SCAMP5: variants seen among roughly 807,000 people sequenced by gnomAD.
SCAMP5 encodes secretory carrier membrane protein 5, also known as secretory carrier-associated membrane protein 5.
SCAMP5 carries 7 observed loss-of-function variants against 28.3 expected under a neutral mutation model. The ratio of observed to expected loss-of-function variants is 0.25; its 90% confidence interval spans 0.14 to 0.46. The LOEUF (loss-of-function observed/expected upper bound fraction) is 0.46. Among genes scored for constraint, SCAMP5 ranks in the 20% least tolerant of loss-of-function variants. SCAMP5 has a pLI of 0.99. For missense variants in SCAMP5, 192 were observed against 312.5 expected, an observed-to-expected ratio of 0.61 and a Z score of 2.91; for synonymous variants, 117 against 116.4, an observed-to-expected ratio of 1.00 and a Z score of -0.03.
intron 1 of SCAMP5, among the ~76,000 whole-genome samples, chr15:75,006,405 C>T (rs2065759690): frequency 1.3e-5 from 2 of 152,072 alleles, no homozygotes; most frequent in South Asian, 4.2e-4. Flanking sequence ...GTAATCCCAG[C>T]ACTTTGGGAG....
chr15:75,004,406 C>T (rs982229074), intron 1 of SCAMP5, among the ~76,000 whole-genome samples: 2 of 152,152 alleles, frequency 1.3e-5, no homozygotes, highest in Non-Finnish European at 2.9e-5. Flanking sequence ...GACACTGCTT[C>T]TAAAGACCAG....
At chr15:75,000,666 G>A (rs1265857062) in intron 1 of SCAMP5, among the ~76,000 whole-genome samples, 1 of 148,882 alleles carries the variant, frequency 6.7e-6, no homozygotes, top group African/African-American at 2.5e-5. Flanking sequence ...TTACAGGCGT[G>A]AGCCATCGCA....
chr15:75,017,997 G>T (rs903054076), intron 5 of SCAMP5, 26 bp downstream of exon 5: 2 of 1,458,878 alleles, frequency 1.4e-6, no homozygotes, highest in Non-Finnish European at 1.9e-6. Context: ...GTGGCCTGGG[G>T]CTGGCAGGGG....
At chr15:75,004,182 G>A (rs1269454299) in intron 1 of SCAMP5, among the ~76,000 whole-genome samples, 1 of 152,042 alleles carries the variant, frequency 6.6e-6, no homozygotes, top group Admixed American at 6.6e-5. Context: ...GGTATTACAG[G>A]CGTGAGCCAC....
chr15:75,015,450 A>AG (rs1491462803), intron 3 of SCAMP5, among the ~76,000 whole-genome samples: 5 of 141,434 alleles, frequency 3.5e-5, no homozygotes, highest in African/African-American at 9.1e-5. Flanking sequence ...AGGTGGGGAC[A>AG]GAGGGGGGGG....
chr15:75,000,420 T>C (rs1480694560), intron 1 of SCAMP5, among the ~76,000 whole-genome samples: 1 of 151,914 alleles, frequency 6.6e-6, no homozygotes, highest in African/African-American at 2.4e-5. Context: ...AGTCTTGTTC[T>C]GTCCCCCAGG....
Position 75,000,730 on chromosome 15 carries a change from TG to T in SCAMP5, c.-49+5059del, listed in dbSNP as rs796134519. On this transcript the variant is annotated intron_variant, in intron 1 of 6. Transcript: ENST00000425597. ...AGAGAAGAAGAATAAAATCCTTCAG[TG>T]GCTCCCGTGACACTGAGGACAAAGT... Among the ~76,000 whole-genome samples, 8 of 143,994 alleles carry T rather than the reference TG, an allele frequency of 5.6e-5. 1 individual carries two copies. The highest frequency in any genetic ancestry group is 2.0e-4 in the African/African-American group (8 of 39,414). The allele number at this position is 143,994 out of a possible 152,430, so 94.5% of individuals were successfully genotyped here. A position where few individuals can be genotyped will look rare whatever the true frequency, so the allele number is the denominator to read the frequency against.
intron 1 of SCAMP5, among the ~76,000 whole-genome samples, chr15:75,009,441 T>TTGTG (rs3057655): frequency 0.25 from 34,374 of 135,872 alleles, 4,496 homozygotes; most frequent in East Asian, 0.36. Flanking sequence ...TGCTAGAAGT[T>TTGTG]TGTGTGTGTG....
chr15:75,013,937 C>T lies in SCAMP5; in HGVS notation c.136+1132C>T, dbSNP rs553851370. On this transcript the variant is annotated intron_variant, in intron 3 of 6. Coordinates refer to ENST00000425597, the MANE Select transcript of SCAMP5 (RefSeq NM_138967.4). ...AGGCCTCATTTCTGGTGATCTGTAGCAGGGGGTGGGAAAGGTGTCTTCTTG... is the reference window on the plus strand; with the variant it reads ...AGGCCTCATTTCTGGTGATCTGTAGTAGGGGGTGGGAAAGGTGTCTTCTTG... 7.3e-5 allele frequency among the ~76,000 whole-genome samples: 11 copies of T among 151,250 alleles called. No homozygotes were observed. In the South Asian group the frequency reaches 2.3e-3, roughly 32 times the overall value.
chr15:75,013,988 G>C (rs1037982945), intron 3 of SCAMP5, among the ~76,000 whole-genome samples: 2 of 151,888 alleles, frequency 1.3e-5, no homozygotes, highest in African/African-American at 4.8e-5. Flanking sequence ...GCTGTGCTGA[G>C]GCTAGTTAGA....
At chr15:75,016,875 A>T in intron 4 of SCAMP5, 126 bp downstream of exon 4, 1 of 893,622 alleles carries the variant, frequency 1.1e-6, no homozygotes, top group Non-Finnish European at 1.6e-6. Flanking sequence ...TCCCTTGCTC[A>T]CCTTTGGCTC....
Position 75,018,741 on chromosome 15 carries a change from C to T in SCAMP5, c.514-48C>T, listed in dbSNP as rs1481301337. The T allele has an allele frequency of 4.9e-6, 7 of 1,415,082 alleles. No homozygotes were observed. The Admixed American group carries it at 9.0e-5, about 18-fold the overall frequency. 87.7% of individuals were successfully genotyped at this position (1,415,082 alleles called of 1,614,324 possible). On this transcript the variant is annotated intron_variant, in intron 6 of 6. Transcript: ENST00000425597. This position sits in a 1 kb window ranked among gnomAD's most constrained non-coding sequence, Gnocchi z 5.6. ...GGGTCCCATCTATTTCCTGGATGGG[C>T]TGCCTTTTCTCTTTGATTAACCCTT...
intron 1 of SCAMP5, among the ~76,000 whole-genome samples, chr15:75,010,355 G>C (rs1476069885): frequency 1.3e-5 from 2 of 152,090 alleles, no homozygotes; most frequent in Non-Finnish European, 2.9e-5. Flanking sequence ...ATCCACTCGG[G>C]GTTAAGTGGG....
intron 1 of SCAMP5, among the ~76,000 whole-genome samples, chr15:75,003,834 G>A (rs2065731631): frequency 6.6e-6 from 1 of 151,782 alleles, no homozygotes. Context: ...ATAAAATAAT[G>A]CAGTGAACAA....
chr15:74,998,984 C>T (rs1410330081), intron 1 of SCAMP5, among the ~76,000 whole-genome samples: 2 of 152,150 alleles, frequency 1.3e-5, no homozygotes, highest in African/African-American at 2.4e-5. Context: ...GTTGTTTTCT[C>T]CTCTCCCTCT....
At chr15:75,004,605 C>G (rs1201630696) in intron 1 of SCAMP5, among the ~76,000 whole-genome samples, 4 of 152,042 alleles carry the variant, frequency 2.6e-5, no homozygotes, top group African/African-American at 7.2e-5. Context: ...TGGCACACAC[C>G]TGTAGTCCCA....
At chr15:75,007,477 TC>T (rs1198136219) in intron 1 of SCAMP5, 1 of 152,290 alleles carries the variant, frequency 6.6e-6, no homozygotes, top group Non-Finnish European at 1.5e-5. Context: ...AGCCTCGACT[TC>T]CTGAGCTCAA....
At chr15:75,004,372 C>T (rs562969151) in intron 1 of SCAMP5, among the ~76,000 whole-genome samples, 7 of 152,210 alleles carry the variant, frequency 4.6e-5, no homozygotes, top group East Asian at 1.9e-4. Context: ...TTCGCAGAAC[C>T]GTTTGAAAGG....
intron 1 of SCAMP5, chr15:74,995,994 CCCG>C (rs1015325102): frequency 1.3e-5 from 2 of 152,800 alleles, no homozygotes; most frequent in Non-Finnish European, 2.9e-5. Flanking sequence ...CTCCATCCCC[CCCG>C]CCAGCCCCAC....
Sources: gnomAD v4.1 joint callset for allele counts (sites outside exome capture counted in the v4.1 genomes callset) on GRCh38, gnomAD v4.1.1 for gene constraint, Gnocchi (gnomAD v3.1) non-coding constraint, MANE v1.5 for transcripts, NCBI Gene and HGNC (gene_info 2026-07-23, HGNC 2026-07-21) for gene names.